Variants in NEGR1 observed in about 807,000 individuals in gnomAD.
NEGR1 encodes neuronal growth regulator 1.
NEGR1 carries 10 observed loss-of-function variants against 40.9 expected under a neutral mutation model. That is an observed-to-expected ratio of 0.24 (90% CI 0.15 to 0.42). NEGR1 has a LOEUF of 0.42. Ranked by LOEUF, NEGR1 falls within the 10% of genes least tolerant of loss-of-function variation. NEGR1 has a pLI of 1.00. For synonymous variants in NEGR1, 185 were observed against 166.8 expected, an observed-to-expected ratio of 1.11 and a Z score of -0.84; for missense variants, 352 against 438.9, an observed-to-expected ratio of 0.80 and a Z score of 1.77.
At chr1:72,276,473 A>C (rs984033691) in intron 1 of NEGR1, among the ~76,000 whole-genome samples, 11 of 152,258 alleles carry the variant, frequency 7.2e-5, no homozygotes, top group East Asian at 1.9e-4. Context: ...ATTGAATCTC[A>C]TCAATAAATG....
intron 4 of NEGR1, among the ~76,000 whole-genome samples, chr1:71,613,033 A>G (rs552898870): frequency 3.9e-5 from 6 of 152,306 alleles, no homozygotes; most frequent in African/African-American, 1.4e-4. Flanking sequence ...GAGTACAGAT[A>G]AAATCTGATT....
chr1:71,813,538 C>A (rs578070931), intron 2 of NEGR1, among the ~76,000 whole-genome samples: 73 of 152,230 alleles, frequency 4.8e-4, no homozygotes, highest in African/African-American at 1.7e-3. Flanking sequence ...TGGCCATTTT[C>A]ATGATATTGA....
chr1:71,493,377 C>A (rs2101389058), intron 6 of NEGR1, among the ~76,000 whole-genome samples: 1 of 152,146 alleles, frequency 6.6e-6, no homozygotes, highest in South Asian at 2.1e-4. Flanking sequence ...TTTCAAAAAA[C>A]CTTCTTACTT....
At chr1:72,067,147 A>ACC (rs1295829947) in intron 1 of NEGR1, among the ~76,000 whole-genome samples, 1 of 152,106 alleles carries the variant, frequency 6.6e-6, no homozygotes, top group African/African-American at 2.4e-5. Flanking sequence ...TAAACATGGA[A>ACC]AAGATCGATT....
At chr1:72,054,854 C>A (rs1461645983) in intron 1 of NEGR1, among the ~76,000 whole-genome samples, 1 of 150,978 alleles carries the variant, frequency 6.6e-6, no homozygotes, top group Non-Finnish European at 1.5e-5. Flanking sequence ...GTCTGTGATT[C>A]TAATATAACC....
At chr1:72,231,450 G>A (rs149585660) in intron 1 of NEGR1, among the ~76,000 whole-genome samples, 27 of 152,228 alleles carry the variant, frequency 1.8e-4, no homozygotes, top group African/African-American at 6.3e-4. Context: ...ATATTTACAT[G>A]GGGACAATGA....
intron 4 of NEGR1, among the ~76,000 whole-genome samples, chr1:71,620,322 A>G (rs1422951430): frequency 2.0e-5 from 3 of 152,046 alleles, no homozygotes; most frequent in African/African-American, 7.2e-5. Flanking sequence ...TGTTGACCTT[A>G]GTCTGTATTT....
chr1:71,587,858 A>C (rs1342749672), intron 6 of NEGR1, among the ~76,000 whole-genome samples: 1 of 152,084 alleles, frequency 6.6e-6, no homozygotes, highest in Non-Finnish European at 1.5e-5. Flanking sequence ...CAATAGTGAG[A>C]CTCAATTTGT....
chr1:71,800,849 G>GA (rs759308316), intron 2 of NEGR1, among the ~76,000 whole-genome samples: 3 of 151,950 alleles, frequency 2.0e-5, no homozygotes, highest in Non-Finnish European at 2.9e-5. Flanking sequence ...CAATCTTTAA[G>GA]AAAAAATAAA....
chr1:71,404,414 C>G lies in NEGR1; in HGVS notation c.*3032G>C, dbSNP rs1646264962. 6.6e-6 allele frequency: 1 copy of G among 152,036 alleles called. No homozygotes were observed. The allele number at this position is 152,036 out of a possible 1,614,324, so 9.4% of individuals were successfully genotyped here. A position where few individuals can be genotyped will look rare whatever the true frequency, so the allele number is the denominator to read the frequency against. On this transcript the variant is annotated 3_prime_UTR_variant, in exon 7 of 7. Transcript: ENST00000357731. ...ATAGGAACTTAATGGTATAATAGGA[C>G]TTATGTTTCAAATGCGATCATTGAA...
chr1:71,678,991 C>T (rs907951435), intron 4 of NEGR1, among the ~76,000 whole-genome samples: 11 of 152,234 alleles, frequency 7.2e-5, no homozygotes, highest in African/African-American at 2.6e-4. Context: ...TTAAGCAGGA[C>T]AGTGACGGTA....
At chr1:71,878,249 T>C (rs1370897199) in intron 2 of NEGR1, among the ~76,000 whole-genome samples, 2 of 152,194 alleles carry the variant, frequency 1.3e-5, no homozygotes, top group Admixed American at 6.6e-5. Flanking sequence ...GCTTCTCTCA[T>C]GTAATTTTTT....
chr1:71,747,299 G>C (rs1655418010), intron 3 of NEGR1, among the ~76,000 whole-genome samples: 1 of 152,058 alleles, frequency 6.6e-6, no homozygotes, highest in South Asian at 2.1e-4. Flanking sequence ...ATGCAGAACA[G>C]TCAATCTTCT....
rs193028543 is a variant in NEGR1 at position 71,761,391 on chromosome 1, G to T, written c.535+14781C>A. Reference sequence around the variant, plus strand: ...ATAGGCTTTAAGTTGCTAATCCATGGTCTACAGACTATTTTATTTTGTTTA... The same window carrying T: ...ATAGGCTTTAAGTTGCTAATCCATGTTCTACAGACTATTTTATTTTGTTTA... On this transcript the variant is annotated intron_variant, in intron 3 of 6. Coordinates refer to ENST00000357731, the MANE Select transcript of NEGR1 (RefSeq NM_173808.3). 2.7e-3 allele frequency among the ~76,000 whole-genome samples: 408 copies of T among 152,242 alleles called. 3 individuals are homozygous for T. The highest frequency in any genetic ancestry group is 4.3e-3 in the Non-Finnish European group (290 of 67,988).
At chr1:72,239,404 G>T (rs1654662829) in intron 1 of NEGR1, among the ~76,000 whole-genome samples, 1 of 151,690 alleles carries the variant, frequency 6.6e-6, no homozygotes, top group South Asian at 2.1e-4. Flanking sequence ...GATTTTGTTT[G>T]TATTTTACTT....
intron 1 of NEGR1, among the ~76,000 whole-genome samples, chr1:72,134,568 A>G (rs1294555406): frequency 6.6e-6 from 1 of 151,862 alleles, no homozygotes; most frequent in East Asian, 1.9e-4. Flanking sequence ...TATATATACA[A>G]TGGCAATTTC....
intron 6 of NEGR1, among the ~76,000 whole-genome samples, chr1:71,575,672 A>T (rs545170922): frequency 6.6e-6 from 1 of 152,234 alleles, no homozygotes; most frequent in East Asian, 1.9e-4. Context: ...AGTCTCAGCT[A>T]CTCGGGAGGC....
chr1:72,040,482 T>A (rs1001422648), intron 1 of NEGR1, among the ~76,000 whole-genome samples: 1 of 144,996 alleles, frequency 6.9e-6, no homozygotes, highest in Non-Finnish European at 1.5e-5. Flanking sequence ...AGACCTTGAG[T>A]ATAAAATGGA....
At position 71,457,930 on chromosome 1, in the gene NEGR1, G is replaced by A. The variant is rs549021442; in HGVS notation, c.941-50360C>T. Among the ~76,000 whole-genome samples the A allele has an allele frequency of 1.3e-4, 20 of 152,082 alleles. No homozygotes were observed. In the South Asian group the frequency reaches 1.5e-3, roughly 11 times the overall value. Reference sequence around the variant, plus strand: ...TGTTAGCCAGGATGGTCTTGATCTCGTGACCTCGTGATCCGCCCACCTTGG... The same window carrying A: ...TGTTAGCCAGGATGGTCTTGATCTCATGACCTCGTGATCCGCCCACCTTGG... On this transcript the variant is annotated intron_variant, in intron 6 of 6. Transcript: ENST00000357731.
Sources: gnomAD v4.1 joint callset for allele counts (sites outside exome capture counted in the v4.1 genomes callset) on GRCh38, gnomAD v4.1.1 for gene constraint, MANE v1.5 for transcripts, NCBI Gene and HGNC (gene_info 2026-07-23, HGNC 2026-07-21) for gene names.